Variants in ATP8A2 observed in about 807,000 individuals in gnomAD.
The protein encoded by ATP8A2 is ATPase phospholipid transporting 8A2.
Under a neutral mutation model 165.6 loss-of-function variants are expected in ATP8A2, and 100 were observed. The ratio of observed to expected loss-of-function variants is 0.60; its 90% CI spans 0.51 to 0.71. The LOEUF is 0.71. Ranked by LOEUF, ATP8A2 falls within the 30% of genes least tolerant of loss-of-function variation. The pLI is 0.00. For missense variants in ATP8A2, 1,227 were observed against 1,479.5 expected (o/e 0.83, Z 2.80); for synonymous variants, 543 against 548.8 (o/e 0.99, Z 0.15).
At chr13:25,486,199 A>C (rs573633099) in intron 2 of ATP8A2, among the ~76,000 whole-genome samples, 1 of 152,158 alleles carries the variant, frequency 6.6e-6, no homozygotes, top group African/African-American at 2.4e-5. Flanking sequence ...CAGTATTCCA[A>C]ATATTTTTTT....
At chr13:25,729,893 A>G (rs959525774) in intron 25 of ATP8A2, among the ~76,000 whole-genome samples, 2 of 152,146 alleles carry the variant, frequency 1.3e-5, no homozygotes, top group African/African-American at 2.4e-5. Context: ...GTTAAATGTG[A>G]TTGCTTTCCC....
Position 25,589,578 on chromosome 13 carries a change from T to A in ATP8A2, c.2147-57T>A, listed in dbSNP as rs1395727715. The A allele has an allele frequency of 4.8e-5, 65 of 1,354,294 alleles. No individual in the cohort carries two copies. The Admixed American group carries it at 1.1e-3, about 23-fold the overall frequency. 83.9% of individuals were successfully genotyped at this position (1,354,294 alleles called of 1,614,324 possible). A position where few individuals can be genotyped will look rare whatever the true frequency, so the allele number is the denominator to read the frequency against. ...GCAGATATAACCAAGGAGGTTGAAT[T>A]TAAGGAGCTCACAGAAGGAAAGAGA... is the stretch of plus-strand genomic sequence containing the variant. On this transcript the variant is annotated intron_variant, in intron 23 of 36. Coordinates refer to ENST00000381655, the MANE Select transcript of ATP8A2 (RefSeq NM_016529.6).
chr13:25,818,263 A>G (rs1951078473), intron 27 of ATP8A2, among the ~76,000 whole-genome samples: 1 of 152,216 alleles, frequency 6.6e-6, no homozygotes, highest in Non-Finnish European at 1.5e-5. Context: ...CTTGGCACTC[A>G]AGGAAAAAGA....
chr13:25,382,624 A>G (rs550633929), intron 1 of ATP8A2, among the ~76,000 whole-genome samples: 20 of 152,188 alleles, frequency 1.3e-4, no homozygotes, highest in Non-Finnish European at 1.9e-4. Flanking sequence ...AATTTTAGCC[A>G]TTTGATAGAT....
chr13:25,945,545 C>T (rs1413652595), intron 33 of ATP8A2, among the ~76,000 whole-genome samples: 2 of 152,186 alleles, frequency 1.3e-5, no homozygotes, highest in Non-Finnish European at 2.9e-5. Flanking sequence ...GTCTTTTCTC[C>T]CCCAAGAACA....
intron 24 of ATP8A2, among the ~76,000 whole-genome samples, chr13:25,610,015 T>G (rs1014912693): frequency 1.3e-5 from 2 of 152,036 alleles, no homozygotes; most frequent in Non-Finnish European, 2.9e-5. Context: ...TGGATATTAG[T>G]CCTTTATTGG....
chr13:25,472,308 C>T (rs752386092), intron 2 of ATP8A2, among the ~76,000 whole-genome samples: 3 of 151,348 alleles, frequency 2.0e-5, no homozygotes, highest in African/African-American at 2.4e-5. Context: ...GCACAAGAAT[C>T]GCTTGAATCC....
chr13:25,949,055 G>A (rs892002864), intron 33 of ATP8A2, among the ~76,000 whole-genome samples: 5 of 152,222 alleles, frequency 3.3e-5, no homozygotes, highest in Non-Finnish European at 7.3e-5. Context: ...ATCCCCCTCT[G>A]TGGGAGGAGG....
intron 33 of ATP8A2, among the ~76,000 whole-genome samples, chr13:25,958,309 A>G (rs1955577882): frequency 6.6e-6 from 1 of 151,730 alleles, no homozygotes; most frequent in African/African-American, 2.4e-5. Flanking sequence ...TTTAAAAAAA[A>G]AAAATTAACC....
intron 33 of ATP8A2, among the ~76,000 whole-genome samples, chr13:25,890,694 G>A (rs894175461): frequency 2.6e-5 from 4 of 152,160 alleles, no homozygotes; most frequent in East Asian, 1.9e-4. Flanking sequence ...GTAGAAATAC[G>A]AAAATATTTG....
chr13:26,019,380 GAGCA>G (rs1469310474), intron 36 of ATP8A2, among the ~76,000 whole-genome samples: 1 of 152,224 alleles, frequency 6.6e-6, no homozygotes, highest in Non-Finnish European at 1.5e-5. Flanking sequence ...CTAGGCGGCA[GAGCA>G]AGACTCTGTC....
rs187485285 is a variant in ATP8A2 at position 25,464,864 on chromosome 13, G to A, written c.77-4113G>A. ...CTACTGGGTGCTAGGCATGATCCAG[G>A]GCACTCTATCCAGGGATAGAGCTAT... is the stretch of plus-strand genomic sequence containing the variant. On this transcript the variant is annotated intron_variant, in intron 1 of 36. Transcript: ENST00000381655. 2.4e-3 allele frequency among the ~76,000 whole-genome samples: 370 copies of A among 152,274 alleles called. 4 individuals carry two copies. The highest frequency in any genetic ancestry group is 0.021 in the Admixed American group (324 of 15,294).
intron 24 of ATP8A2, among the ~76,000 whole-genome samples, chr13:25,627,794 G>A (rs957280696): frequency 6.6e-6 from 1 of 152,172 alleles, no homozygotes; most frequent in African/African-American, 2.4e-5. Flanking sequence ...GCATCATTTG[G>A]TGAGGCCACT....
chr13:25,551,445 G>A lies in ATP8A2; in HGVS notation c.999G>A (p.Ala333=), dbSNP rs369680859. The A allele has an allele frequency of 9.3e-6, 15 of 1,613,934 alleles. No homozygotes were observed. The highest frequency in any genetic ancestry group is 4.5e-5 in the East Asian group (2 of 44,888). Residue 333 remains alanine (A), a synonymous_variant, in exon 11 of 37, where the codon GCG becomes GCA. Coordinates refer to ENST00000381655, the MANE Select transcript of ATP8A2 (RefSeq NM_016529.6). ...ILLVMALVSS[A]GALYWNRSHG... ...TGGTCATGGCCTTGGTGAGCTCGGC[G>A]GGGGCCCTGTACTGGAACAGGTCTC... is the stretch of plus-strand genomic sequence containing the variant.
intron 30 of ATP8A2, among the ~76,000 whole-genome samples, chr13:25,842,143 G>A (rs1208396851): frequency 6.6e-6 from 1 of 152,158 alleles, no homozygotes; most frequent in Non-Finnish European, 1.5e-5. Context: ...GTAAACCATA[G>A]ATAAAATGCT....
At chr13:25,507,574 A>G (rs142377428) in intron 2 of ATP8A2, among the ~76,000 whole-genome samples, 3,779 of 152,236 alleles carry the variant, frequency 0.025, 71 homozygotes, top group Middle Eastern at 0.041. Context: ...CTGTGCTGGT[A>G]CCATTTTTAA....
At chr13:26,008,242 A>G (rs922017177) in intron 35 of ATP8A2, among the ~76,000 whole-genome samples, 1 of 152,210 alleles carries the variant, frequency 6.6e-6, no homozygotes, top group Non-Finnish European at 1.5e-5. Context: ...GAAAGTCTGA[A>G]AGATTCTATA....
At chr13:25,424,999 A>T (rs2138118452) in intron 1 of ATP8A2, among the ~76,000 whole-genome samples, 1 of 152,302 alleles carries the variant, frequency 6.6e-6, no homozygotes, top group South Asian at 2.1e-4. Flanking sequence ...GTCATTAAAG[A>T]TGTTTCCTGC....
chr13:25,899,927 G>A (rs1173131528), intron 33 of ATP8A2, among the ~76,000 whole-genome samples: 1 of 151,740 alleles, frequency 6.6e-6, no homozygotes, highest in East Asian at 1.9e-4. Flanking sequence ...AGGGAGTCCA[G>A]CTGGGTGATG....
Sources: gnomAD v4.1 joint callset for allele counts (sites outside exome capture counted in the v4.1 genomes callset) on GRCh38, gnomAD v4.1.1 for gene constraint, MANE v1.5 for transcripts, NCBI Gene and HGNC (gene_info 2026-07-23, HGNC 2026-07-21) for gene names.